The following CERS6 variants were observed in gnomAD, a reference collection of about 807,000 sequenced individuals.
CERS6 encodes the protein LAG1 homolog, ceramide synthase 6.
A neutral mutation model predicts 56.8 loss-of-function variants in CERS6; 26 were observed. That is an observed-to-expected ratio of 0.46 (90% CI 0.34 to 0.63). The LOEUF is 0.63. Among genes scored for constraint, CERS6 ranks in the 30% least tolerant of loss-of-function variants. The pLI, the probability that CERS6 is intolerant of heterozygous loss-of-function variation, is 0.01. For synonymous variants in CERS6, 164 were observed against 173.3 expected, an observed-to-expected ratio of 0.95 and a Z score of 0.42; for missense variants, 415 against 467.5, an observed-to-expected ratio of 0.89 and a Z score of 1.04.
chr2:168,625,475 C>T (rs7599997), intron 3 of CERS6, among the ~76,000 whole-genome samples: 48,554 of 151,974 alleles, frequency 0.32, 8,510 homozygotes, highest in South Asian at 0.48. Flanking sequence ...ACTCGTACTC[C>T]TAATAAAAAT....
chr2:168,658,290 C>T (rs995323365), intron 4 of CERS6, among the ~76,000 whole-genome samples: 3 of 152,136 alleles, frequency 2.0e-5, no homozygotes, highest in African/African-American at 7.2e-5. Flanking sequence ...GGGTCCTTGA[C>T]GAGATCCCAA....
At chr2:168,522,434 T>A (rs1402592529) in intron 1 of CERS6, among the ~76,000 whole-genome samples, 1 of 152,260 alleles carries the variant, frequency 6.6e-6, no homozygotes, top group Non-Finnish European at 1.5e-5. Flanking sequence ...GTGTAATTTC[T>A]TCTGAACAAT....
At chr2:168,516,325 G>A (rs1260097882) in intron 1 of CERS6, among the ~76,000 whole-genome samples, 1 of 152,004 alleles carries the variant, frequency 6.6e-6, no homozygotes, top group Non-Finnish European at 1.5e-5. Flanking sequence ...CCAGAATCAG[G>A]CAGCTTAATA....
chr2:168,571,727 A>G (rs534388244), intron 3 of CERS6, among the ~76,000 whole-genome samples: 2 of 152,316 alleles, frequency 1.3e-5, no homozygotes, highest in Non-Finnish European at 2.9e-5. Flanking sequence ...TATGTGAGAT[A>G]TTTTGACATA....
chr2:168,658,891 G>T (rs956915050), intron 4 of CERS6, among the ~76,000 whole-genome samples: 7 of 152,198 alleles, frequency 4.6e-5, no homozygotes, highest in Non-Finnish European at 8.8e-5. Flanking sequence ...AAATGCTTCT[G>T]TGAGTTACAT....
intron 6 of CERS6, among the ~76,000 whole-genome samples, chr2:168,699,301 T>A (rs1393086628): frequency 6.6e-6 from 1 of 152,200 alleles, no homozygotes; most frequent in African/African-American, 2.4e-5. Flanking sequence ...GGGATAGGGA[T>A]GTTTGAAGAC....
intron 1 of CERS6, among the ~76,000 whole-genome samples, chr2:168,476,718 G>A (rs1694078800): frequency 1.3e-5 from 2 of 152,158 alleles, no homozygotes; most frequent in South Asian, 2.1e-4. Flanking sequence ...TCCAGAGGCG[G>A]GAGGAGAAGA....
chr2:168,764,303 C>T (rs1218714087), intron 8 of CERS6, among the ~76,000 whole-genome samples: 1 of 151,912 alleles, frequency 6.6e-6, no homozygotes, highest in Non-Finnish European at 1.5e-5. Context: ...CCACCACACC[C>T]GGCTAATTTT....
intron 3 of CERS6, among the ~76,000 whole-genome samples, chr2:168,618,912 A>G (rs1366216378): frequency 6.6e-6 from 1 of 152,190 alleles, no homozygotes; most frequent in Non-Finnish European, 1.5e-5. Flanking sequence ...AAAAGAGCCT[A>G]CATAGCCAAA....
chr2:168,678,982 T>C (rs1449724233), intron 4 of CERS6, among the ~76,000 whole-genome samples: 2 of 152,226 alleles, frequency 1.3e-5, no homozygotes, highest in Non-Finnish European at 1.5e-5. Context: ...ATATACACAA[T>C]GGAATCCTAT....
chr2:168,456,987 A>G lies in CERS6; in HGVS notation c.170+369A>G, dbSNP rs1032375666. Among the ~76,000 whole-genome samples the G allele has an allele frequency of 6.6e-6, 1 of 152,196 alleles. No individual in the cohort carries two copies. Among genetic ancestry groups the G allele is most frequent in the Non-Finnish European group, 1.5e-5 (1 of 68,024 alleles). ...GCCCCTCTCCGCCGGCGCGCCACGCAAGGCTGCCAGGCAGGGCTTCCCGCC... is the reference window on the plus strand; with the variant it reads ...GCCCCTCTCCGCCGGCGCGCCACGCGAGGCTGCCAGGCAGGGCTTCCCGCC... On this transcript the variant is annotated intron_variant, in intron 1 of 9. Transcript: ENST00000305747. The surrounding 1 kb of genome is among the most constrained non-coding windows in gnomAD (Gnocchi z 4.1).
At chr2:168,664,343 T>C (rs898306109) in intron 4 of CERS6, among the ~76,000 whole-genome samples, 1 of 152,114 alleles carries the variant, frequency 6.6e-6, no homozygotes, top group Non-Finnish European at 1.5e-5. Context: ...AGGGACTAAG[T>C]CTACACCTTA....
At chr2:168,565,462 G>A (rs1695868417) in intron 3 of CERS6, among the ~76,000 whole-genome samples, 1 of 152,136 alleles carries the variant, frequency 6.6e-6, no homozygotes, top group Admixed American at 6.6e-5. Context: ...ATTAGAAAAC[G>A]AGAACACAAA....
chr2:168,769,182 T>C (rs1490863577), intron 9 of CERS6, among the ~76,000 whole-genome samples: 1 of 152,216 alleles, frequency 6.6e-6, no homozygotes, highest in East Asian at 1.9e-4. Context: ...ACCAAATTCC[T>C]ATGACGCCAT....
At chr2:168,501,434 GTAAGAAGATTC>G (rs925375165) in intron 1 of CERS6, among the ~76,000 whole-genome samples, 1 of 152,222 alleles carries the variant, frequency 6.6e-6, no homozygotes, top group African/African-American at 2.4e-5. Flanking sequence ...AATGGAAGCT[GTAAGAAGATTC>G]TCCCACCTTG....
chr2:168,649,500 A>G (rs1321597892), intron 4 of CERS6, among the ~76,000 whole-genome samples: 4 of 152,188 alleles, frequency 2.6e-5, no homozygotes, highest in African/African-American at 7.2e-5. Context: ...TTTAGCCTTT[A>G]AAGTATTTAA....
chr2:168,596,555 C>CCCTT (rs766580344), intron 3 of CERS6, among the ~76,000 whole-genome samples: 2 of 114,834 alleles, frequency 1.7e-5, no homozygotes, highest in African/African-American at 8.2e-5. Flanking sequence ...ATCCCCCCCC[C>CCCTT]TTTTTTTTTT....
intron 4 of CERS6, among the ~76,000 whole-genome samples, chr2:168,677,149 C>T (rs1404825759): frequency 2.0e-5 from 3 of 151,912 alleles, no homozygotes; most frequent in Non-Finnish European, 4.4e-5. Context: ...AGGTATTTCT[C>T]CTGACGCTAT....
chr2:168,758,373 C>A (rs1231070175), intron 8 of CERS6, among the ~76,000 whole-genome samples: 1 of 152,168 alleles, frequency 6.6e-6, no homozygotes, highest in Non-Finnish European at 1.5e-5. Flanking sequence ...TGACTCTGTT[C>A]CTTAGAGAAG....
Sources: allele counts gnomAD v4.1 joint callset (sites outside exome capture counted in the v4.1 genomes callset), GRCh38; gene constraint gnomAD v4.1.1; non-coding constraint Gnocchi (gnomAD v3.1); transcripts MANE v1.5; gene names NCBI Gene and HGNC (gene_info 2026-07-23, HGNC 2026-07-21).